Variants in FAM114A1 observed in about 807,000 individuals in gnomAD.
FAM114A1 encodes the protein family with sequence similarity 114 member A1, also known as protein NOXP20.
Under a neutral mutation model 64.3 loss-of-function variants are expected in FAM114A1, and 62 were observed. The ratio of observed to expected loss-of-function variants is 0.96; its 90% CI spans 0.79 to 1.19. The LOEUF (loss-of-function observed/expected upper bound fraction) is 1.19. FAM114A1 is among the 50% of genes most tolerant of loss of function. The pLI is 0.00. For missense variants in FAM114A1, 645 were observed against 676.3 expected, an observed-to-expected ratio of 0.95 and a Z score of 0.51; for synonymous variants, 254 against 251.1, an observed-to-expected ratio of 1.01 and a Z score of -0.11.
intron 3 of FAM114A1, among the ~76,000 whole-genome samples, chr4:38,886,441 G>A (rs1164342700): frequency 2.6e-5 from 4 of 151,436 alleles, no homozygotes; most frequent in African/African-American, 9.7e-5. Context: ...AAAGTGCTGG[G>A]TTTACAGGTG....
intron 10 of FAM114A1, among the ~76,000 whole-genome samples, chr4:38,930,360 G>A (rs1378698998): frequency 6.6e-6 from 1 of 152,098 alleles, no homozygotes; most frequent in Non-Finnish European, 1.5e-5. Flanking sequence ...TGAGGAAAAG[G>A]GCAGAATGAG....
In FAM114A1 at chr4:38,901,432, C is replaced by T. The variant is rs902407824; in HGVS notation, c.437-4090C>T. 5.9e-5 allele frequency among the ~76,000 whole-genome samples: 9 copies of T among 152,282 alleles called. No individual in the cohort carries two copies. In the South Asian group the frequency reaches 6.2e-4, roughly 11 times the overall value. ...CCTCCCAAGTAGCTGGGATTACAGG[C>T]GCCTGCCGCCACACCCGGCAAATTT... On this transcript the variant is annotated intron_variant, in intron 4 of 14. Coordinates refer to ENST00000358869, the MANE Select transcript of FAM114A1 (RefSeq NM_138389.4).
chr4:38,935,840 C>A, intron 13 of FAM114A1, 50 bp downstream of exon 13: 1 of 1,336,806 alleles, frequency 7.5e-7, no homozygotes, highest in Non-Finnish European at 1.1e-6. Context: ...GGAAGTATGT[C>A]TGTGAGGAAA....
chr4:38,898,723 A>G (rs1397168868), intron 4 of FAM114A1, among the ~76,000 whole-genome samples: 1 of 152,104 alleles, frequency 6.6e-6, no homozygotes, highest in Non-Finnish European at 1.5e-5. Flanking sequence ...CAACCATCAT[A>G]TGGAGAGGAA....
Position 38,905,865 on chromosome 4 carries a change from A to G in FAM114A1, c.657+4A>G. ...CACCAATGTGGTTCAAAACACAGTG[A>G]GTCGCTGGCTGCTTCCTCTCTTTCC... On this transcript the variant is annotated splice_donor_region_variant and intron_variant, in intron 6 of 14. Coordinates refer to ENST00000358869, the MANE Select transcript of FAM114A1 (RefSeq NM_138389.4). The G allele has an allele frequency of 6.2e-7, 1 of 1,606,098 alleles. No individual in the cohort carries two copies. The highest frequency in any genetic ancestry group is 8.5e-7 in the Non-Finnish European group (1 of 1,177,794).
chr4:38,931,351 C>T, intron 10 of FAM114A1, 100 bp from the exon 11 acceptor site: 1 of 1,382,618 alleles, frequency 7.2e-7, no homozygotes, highest in East Asian at 2.4e-5. Context: ...GAGATCCATT[C>T]TTGAAGGCTT....
intron 13 of FAM114A1, among the ~76,000 whole-genome samples, chr4:38,937,444 T>C (rs892746288): frequency 2.6e-5 from 4 of 152,192 alleles, no homozygotes; most frequent in African/African-American, 4.8e-5. Flanking sequence ...TGCATGTCTG[T>C]GTCCAGATTT....
At chr4:38,932,544 T>C (rs940138732) in intron 12 of FAM114A1, among the ~76,000 whole-genome samples, 170 bp downstream of exon 12, 1 of 152,210 alleles carries the variant, frequency 6.6e-6, no homozygotes, top group African/African-American at 2.4e-5. Flanking sequence ...TCACCCAGAC[T>C]GGAGTGCAAT....
chr4:38,874,239 C>G (rs1714385214), intron 2 of FAM114A1, among the ~76,000 whole-genome samples: 1 of 152,144 alleles, frequency 6.6e-6, no homozygotes, highest in Non-Finnish European at 1.5e-5. Context: ...ATTCAACTCA[C>G]AGGAGATAAT....
chr4:38,915,104 T>C, intron 8 of FAM114A1, 31 bp downstream of exon 8: 1 of 1,607,992 alleles, frequency 6.2e-7, no homozygotes, highest in South Asian at 1.1e-5. Context: ...TGAAATGGCA[T>C]GCTTAGTCAT....
At chr4:38,941,087 T>TG in intron 14 of FAM114A1, 66 bp downstream of exon 14, 1 of 1,501,384 alleles carries the variant, frequency 6.7e-7, no homozygotes, top group South Asian at 1.2e-5. Context: ...TTTTTTTTTT[T>TG]TTTGCCTTTC....
intron 4 of FAM114A1, among the ~76,000 whole-genome samples, chr4:38,892,844 A>G (rs1301530899): frequency 6.6e-6 from 1 of 152,242 alleles, no homozygotes; most frequent in African/African-American, 2.4e-5. Context: ...GACCATGACC[A>G]CAGTGTTAAG....
chr4:38,884,104 C>A (rs1409048109), intron 3 of FAM114A1, among the ~76,000 whole-genome samples: 3 of 152,214 alleles, frequency 2.0e-5, no homozygotes, highest in Non-Finnish European at 2.9e-5. Context: ...TAGGACACAG[C>A]AAGAGCTAGT....
At chr4:38,925,792 C>G (rs1720044046) in intron 9 of FAM114A1, among the ~76,000 whole-genome samples, 1 of 151,978 alleles carries the variant, frequency 6.6e-6, no homozygotes, top group Non-Finnish European at 1.5e-5. Flanking sequence ...GTGTACAGAC[C>G]AAGAGTTGTA....
At chr4:38,904,209 G>A (rs1256860127) in intron 4 of FAM114A1, among the ~76,000 whole-genome samples, 1 of 152,192 alleles carries the variant, frequency 6.6e-6, no homozygotes, top group Non-Finnish European at 1.5e-5. Context: ...GGGATGGGGA[G>A]TTCTGTGATG....
At chr4:38,918,493 A>G (rs2109736184) in intron 8 of FAM114A1, among the ~76,000 whole-genome samples, 1 of 152,310 alleles carries the variant, frequency 6.6e-6, no homozygotes, top group Middle Eastern at 3.4e-3. Flanking sequence ...GACTAGTTAC[A>G]TTTTAACTTT....
In FAM114A1 at chr4:38,904,134, GT is replaced by G. The variant is rs1579342327; in HGVS notation, c.437-1384del. On this transcript the variant is annotated intron_variant, in intron 4 of 14. Coordinates refer to ENST00000358869, the MANE Select transcript of FAM114A1 (RefSeq NM_138389.4). ...GTTTTTCCTCATATTACTGCCTTGT[GT>G]TTTAGCAACCTGAGGTCACCCAGGT... Among the ~76,000 whole-genome samples the G allele has an allele frequency of 3.3e-5, 5 of 152,132 alleles. No homozygotes were observed. In the East Asian group the frequency reaches 9.6e-4, roughly 29 times the overall value.
At chr4:38,905,438 G>T in intron 4 of FAM114A1, 84 bp from the exon 5 acceptor site, 1 of 977,808 alleles carries the variant, frequency 1.0e-6, no homozygotes, top group Non-Finnish European at 1.6e-6. Flanking sequence ...TCTGCAACTT[G>T]AAACAGCTTT....
At chr4:38,889,816 A>T (rs1716149185) in intron 3 of FAM114A1, among the ~76,000 whole-genome samples, 1 of 152,014 alleles carries the variant, frequency 6.6e-6, no homozygotes, top group Non-Finnish European at 1.5e-5. Context: ...CAAAATAGTG[A>T]TTTTTTTTCT....
Sources: gnomAD v4.1 joint callset for allele counts (sites outside exome capture counted in the v4.1 genomes callset) on GRCh38, gnomAD v4.1.1 for gene constraint, MANE v1.5 for transcripts, NCBI Gene and HGNC (gene_info 2026-07-23, HGNC 2026-07-21) for gene names.